SLC14A2: variants seen among roughly 807,000 people sequenced by gnomAD.
The protein encoded by SLC14A2 is urea transporter 2.
SLC14A2 carries 91 observed loss-of-function variants against 104.6 expected under a neutral mutation model. That is an observed-to-expected ratio of 0.87 (90% confidence interval 0.73 to 1.04). The LOEUF (loss-of-function observed/expected upper bound fraction) is 1.04. Among genes scored for constraint, SLC14A2 ranks in the 50% least tolerant of loss-of-function variants. The pLI, the probability that SLC14A2 is intolerant of heterozygous loss-of-function variation, is 0.00. For synonymous variants in SLC14A2, 476 were observed against 466.4 expected, an observed-to-expected ratio of 1.02 and a Z score of -0.27; for missense variants, 1,189 against 1,156.0, an observed-to-expected ratio of 1.03 and a Z score of -0.41.
At chr18:45,647,808 G>A (rs1196488251) in intron 10 of SLC14A2, 1 of 151,678 alleles carries the variant, frequency 6.6e-6, no homozygotes, top group Non-Finnish European at 1.5e-5. Context: ...TGTATATCTA[G>A]TTTTATTGGA....
chr18:45,651,006 G>C lies in SLC14A2; in HGVS notation c.1351+6846G>C, dbSNP rs536131609. On this transcript the variant is annotated intron_variant, in intron 10 of 19. Coordinates refer to ENST00000255226, the MANE Select transcript of SLC14A2 (RefSeq NM_007163.4). ...GATCTTCTGTTTAAAAAGTGTTTTA[G>C]GCATGATTTTAAGGGTTCCAGGAAG... 2.0e-5 allele frequency among the ~76,000 whole-genome samples: 3 copies of C among 152,108 alleles called. No individual in the cohort carries two copies. In the East Asian group the frequency reaches 5.8e-4, roughly 29 times the overall value.
intron 1 of SLC14A2, among the ~76,000 whole-genome samples, chr18:45,473,542 C>T (rs868664837): frequency 2.8e-4 from 42 of 152,298 alleles, no homozygotes; most frequent in African/African-American, 9.6e-4. Flanking sequence ...TTTGTGTCCT[C>T]TCTTATTTCC....
intron 2 of SLC14A2, among the ~76,000 whole-genome samples, chr18:45,548,232 G>A (rs1290681966): frequency 1.3e-5 from 2 of 152,216 alleles, no homozygotes; most frequent in Non-Finnish European, 2.9e-5. Flanking sequence ...CTTAGGCTAA[G>A]AATGGAGTTT....
intron 16 of SLC14A2, among the ~76,000 whole-genome samples, chr18:45,671,315 AT>A (rs1039514769): frequency 6.6e-5 from 10 of 152,110 alleles, no homozygotes; most frequent in Admixed American, 6.6e-4. Flanking sequence ...GAAAAATTCA[AT>A]TTTGTGGCAT....
intron 2 of SLC14A2, among the ~76,000 whole-genome samples, chr18:45,535,430 A>G (rs983523303): frequency 6.6e-6 from 1 of 152,212 alleles, no homozygotes; most frequent in Admixed American, 6.5e-5. Flanking sequence ...TCTGCAGTAC[A>G]CAGTCTCCGT....
intron 2 of SLC14A2, 141 bp from the exon 3 acceptor site, chr18:45,625,542 C>T (rs562827473): frequency 1.0e-4 from 61 of 588,174 alleles, no homozygotes; most frequent in Middle Eastern, 8.5e-4. Context: ...TCTATGCAGC[C>T]GCAGACAATG....
chr18:45,581,753 C>A (rs1251752571), intron 2 of SLC14A2, among the ~76,000 whole-genome samples: 2 of 152,152 alleles, frequency 1.3e-5, no homozygotes, highest in South Asian at 4.1e-4. Context: ...TGTTATCCAG[C>A]GGACTCTGAG....
At chr18:45,328,026 T>C (rs1312073878) in intron 1 of SLC14A2, among the ~76,000 whole-genome samples, 1 of 152,108 alleles carries the variant, frequency 6.6e-6, no homozygotes, top group Non-Finnish European at 1.5e-5. Flanking sequence ...TCTAGACACT[T>C]AAGCAGGTTT....
chr18:45,674,089 T>A (rs988548068), intron 18 of SLC14A2, among the ~76,000 whole-genome samples: 1 of 152,090 alleles, frequency 6.6e-6, no homozygotes, highest in Non-Finnish European at 1.5e-5. Flanking sequence ...ATTGGGTGAT[T>A]TACGTCTTCT....
chr18:45,323,351 C>A lies in SLC14A2; in HGVS notation c.-125+110160C>A, dbSNP rs16978342. Among the ~76,000 whole-genome samples the A allele has an allele frequency of 7.9e-3, 1,209 of 152,274 alleles. 36 individuals carry two copies. Among genetic ancestry groups the A allele is most frequent in the Admixed American group, 0.055 (834 of 15,292 alleles). On this transcript the variant is annotated intron_variant, in intron 1 of 20. Coordinates refer to the SLC14A2 transcript ENST00000586448. Reference sequence around the variant, plus strand: ...GTGTCAGGCCTCTCCCAAGGAGCCACCATTGTGTTAAACATCATTCTTTAG... The same window carrying A: ...GTGTCAGGCCTCTCCCAAGGAGCCAACATTGTGTTAAACATCATTCTTTAG...
intron 1 of SLC14A2, among the ~76,000 whole-genome samples, chr18:45,351,322 C>T (rs965331246): frequency 2.0e-5 from 3 of 152,094 alleles, no homozygotes; most frequent in African/African-American, 7.2e-5. Flanking sequence ...TTTTCCCATG[C>T]AAGCCCTTTT....
chr18:45,318,786 TAAA>T (rs560105461), intron 1 of SLC14A2, among the ~76,000 whole-genome samples: 1 of 135,966 alleles, frequency 7.4e-6, no homozygotes, highest in Non-Finnish European at 1.6e-5. Flanking sequence ...AAACTCTGTC[TAAA>T]AAAAAAAAAA....
chr18:45,209,300 AC>A (rs1473443107), upstream of SLC14A2, among the ~76,000 whole-genome samples: 2 of 151,782 alleles, frequency 1.3e-5, no homozygotes, highest in Non-Finnish European at 2.9e-5. Context: ...CCGAGATCAC[AC>A]CCCTCCTCTC....
chr18:45,597,832 A>G (rs1490325100), intron 2 of SLC14A2, among the ~76,000 whole-genome samples: 1 of 152,186 alleles, frequency 6.6e-6, no homozygotes, highest in Non-Finnish European at 1.5e-5. Flanking sequence ...GTCACTTAGC[A>G]GTAAAGATGA....
rs201449646 is a variant in SLC14A2, at chr18:45,392,678, T to A, written c.-124-90555T>A. Among the ~76,000 whole-genome samples, 3 of 152,328 alleles carry A rather than the reference T, an allele frequency of 2.0e-5. No individual in the cohort carries two copies. The East Asian group carries it at 5.8e-4, about 29-fold the overall frequency. On this transcript the variant is annotated intron_variant, in intron 1 of 20. Transcript: ENST00000586448. ...TACCTATATTTAGTGCAAAAATATGTCATTTAAAATTCCCACTTTGAAATA... is the reference window on the plus strand; with the variant it reads ...TACCTATATTTAGTGCAAAAATATGACATTTAAAATTCCCACTTTGAAATA...
At chr18:45,209,931 G>A (rs997370269), upstream of SLC14A2, among the ~76,000 whole-genome samples, 2 of 152,166 alleles carry the variant, frequency 1.3e-5, no homozygotes, top group African/African-American at 2.4e-5. Flanking sequence ...TTTTCCTCTA[G>A]TTTTACAACT....
chr18:45,408,437 C>A (rs2086179912), intron 1 of SLC14A2, among the ~76,000 whole-genome samples: 1 of 152,086 alleles, frequency 6.6e-6, no homozygotes, highest in South Asian at 2.1e-4. Context: ...CTGAGTGAAG[C>A]TGGAACTGTA....
At chr18:45,411,610 C>T (rs1372123579) in intron 1 of SLC14A2, among the ~76,000 whole-genome samples, 1 of 152,170 alleles carries the variant, frequency 6.6e-6, no homozygotes, top group African/African-American at 2.4e-5. Context: ...AACATACACC[C>T]AGTTTCCGAT....
the SLC14A2 span, among the ~76,000 whole-genome samples, chr18:45,185,476 G>A: frequency 2.0e-5 from 3 of 152,088 alleles, no homozygotes; most frequent in South Asian, 6.2e-4. Flanking sequence ...GAATCGGGAG[G>A]AATAGAAGGA....
Sources: allele counts gnomAD v4.1 joint callset (sites outside exome capture counted in the v4.1 genomes callset), GRCh38; gene constraint gnomAD v4.1.1; transcripts MANE v1.5; gene names NCBI Gene and HGNC (gene_info 2026-07-23, HGNC 2026-07-21).